The following ATXN2 variants were observed in gnomAD, a reference collection of about 807,000 sequenced individuals.
ATXN2 encodes ataxin-2.
Under a neutral mutation model 138.6 loss-of-function variants are expected in ATXN2, and 37 were observed. The observed-to-expected ratio is 0.27, with a 90% CI of 0.21 to 0.35. ATXN2 has a LOEUF of 0.35. Ranked by LOEUF, ATXN2 falls within the 10% of genes least tolerant of loss-of-function variation. The pLI is 1.00. For missense variants in ATXN2, 1,216 were observed against 1,480.3 expected, an observed-to-expected ratio of 0.82 and a Z score of 2.93; for synonymous variants, 549 against 543.7, an observed-to-expected ratio of 1.01 and a Z score of -0.13.
At chr12:111,470,452 C>T in intron 19 of ATXN2, 106 bp downstream of exon 19, 3 of 1,326,386 alleles carry the variant, frequency 2.3e-6, no homozygotes, top group Non-Finnish European at 3.1e-6. Flanking sequence ...TAGCTATCTA[C>T]CCTACCATCA....
In ATXN2 at chr12:111,552,713, T is replaced by TA. The variant is rs1882187174; in HGVS notation, c.420+192dup. The TA allele has an allele frequency of 3.6e-6, 2 of 554,196 alleles. No homozygotes were observed. The highest frequency in any genetic ancestry group is 6.1e-6 in the Non-Finnish European group (2 of 329,524). 34.3% of individuals were successfully genotyped at this position (554,196 alleles called of 1,614,324 possible). ...CATCCCTCTATTAGCTCACAATGCTTAAAAATGGTTGAAATATTTTAATAA... is the reference window on the plus strand; with the variant it reads ...CATCCCTCTATTAGCTCACAATGCTTAAAAAATGGTTGAAATATTTTAATAA... On this transcript the variant is annotated intron_variant, in intron 4 of 24. Transcript: ENST00000673436. The surrounding 1 kb of genome is among the most constrained non-coding windows in gnomAD (Gnocchi z 4.1).
At chr12:111,561,353 G>A (rs1331879800) in intron 1 of ATXN2, among the ~76,000 whole-genome samples, 1 of 151,710 alleles carries the variant, frequency 6.6e-6, no homozygotes, top group Admixed American at 6.6e-5. Context: ...AATTAGCCAG[G>A]CATGGTGGCA....
intron 17 of ATXN2, 22 bp downstream of exon 17, chr12:111,485,689 TGA>T: frequency 6.2e-7 from 1 of 1,612,652 alleles, no homozygotes; most frequent in South Asian, 1.1e-5. Flanking sequence ...GGAGGCTAAG[TGA>T]ACATCAAATT....
intron 18 of ATXN2, among the ~76,000 whole-genome samples, chr12:111,479,415 A>AAG (rs1223908590): frequency 1.7e-4 from 25 of 145,720 alleles, no homozygotes; most frequent in South Asian, 4.2e-4. Context: ...AAAAAAAAAA[A>AAG]AGAGAGAGAG....
At chr12:111,518,536 TA>T in intron 8 of ATXN2, 109 bp from the exon 9 acceptor site, 1 of 1,179,248 alleles carries the variant, frequency 8.5e-7, no homozygotes, top group Middle Eastern at 2.9e-4. Flanking sequence ...AAAAAGGTTC[TA>T]CACTAAACCA....
At chr12:111,566,438 CA>C (rs1349759771) in intron 1 of ATXN2, among the ~76,000 whole-genome samples, 4 of 97,632 alleles carry the variant, frequency 4.1e-5, no homozygotes, top group Non-Finnish European at 5.6e-5. Context: ...AACTCCATCT[CA>C]AAAAAAAAGA....
At chr12:111,586,842 C>A (rs562073899) in intron 1 of ATXN2, among the ~76,000 whole-genome samples, 2 of 152,068 alleles carry the variant, frequency 1.3e-5, no homozygotes, top group South Asian at 4.1e-4. Flanking sequence ...CTTTCTATCA[C>A]GCTACTGTTA....
Position 111,598,218 on chromosome 12 carries a change from G to A in ATXN2, c.251+566C>T. 5.7e-6 allele frequency: 6 copies of A among 1,049,468 alleles called. No homozygotes were observed. The highest frequency in any genetic ancestry group is 8.2e-5 in the East Asian group (1 of 12,126). The allele number at this position is 1,049,468 out of a possible 1,614,324, so 65.0% of individuals were successfully genotyped here. ...TCCGATCTTTCCCAGGACTCGGAGG[G>A]GGCGGGGAGAGAGCCCCGACAGACC... On this transcript the variant is annotated intron_variant, in intron 1 of 24. Transcript: ENST00000673436. This position sits in a 1 kb window ranked among gnomAD's most constrained non-coding sequence, Gnocchi z 4.5.
At chr12:111,567,944 A>T (rs931917881) in intron 1 of ATXN2, among the ~76,000 whole-genome samples, 1 of 152,048 alleles carries the variant, frequency 6.6e-6, no homozygotes, top group Non-Finnish European at 1.5e-5. Context: ...CTAAGAATAA[A>T]ATTACCTTCC....
intron 1 of ATXN2, among the ~76,000 whole-genome samples, chr12:111,597,355 A>G (rs1170939908): frequency 1.3e-5 from 2 of 152,244 alleles, no homozygotes; most frequent in African/African-American, 2.4e-5. Context: ...TCCACCTTCC[A>G]AAGCCCAAGA....
chr12:111,562,720 CAAAAAA>C (rs34625134), intron 1 of ATXN2, among the ~76,000 whole-genome samples: 2 of 55,992 alleles, frequency 3.6e-5, no homozygotes, highest in Admixed American at 2.1e-4. Flanking sequence ...AACTCCATCT[CAAAAAA>C]AAAAAAAAAA....
rs529248348 is a variant in ATXN2, at chr12:111,594,513, G to A, written c.251+4271C>T. Among the ~76,000 whole-genome samples, 7 of 151,998 alleles carry A rather than the reference G, an allele frequency of 4.6e-5. No individual in the cohort carries two copies. The South Asian group carries it at 1.5e-3, about 32-fold the overall frequency. On this transcript the variant is annotated intron_variant, in intron 1 of 24. Coordinates refer to ENST00000673436, the MANE Select transcript of ATXN2 (RefSeq NM_001372574.1). ...GGCTAAACAGCACAATTTTTAAGTTGCAATGCCTCAAGAGAAAGAAGCAGT... is the reference window on the plus strand; with the variant it reads ...GGCTAAACAGCACAATTTTTAAGTTACAATGCCTCAAGAGAAAGAAGCAGT...
rs549925956 is a variant in ATXN2, at chr12:111,454,195, A to G, written c.3271-350T>C. On this transcript the variant is annotated intron_variant, in intron 23 of 24. Transcript: ENST00000673436. ...ATCCAAGGGCAGCTTTCTCAACTTA[A>G]TATCATACAAGATTCAATGATGCTT... The G allele has an allele frequency of 9.9e-5, 18 of 181,438 alleles. No homozygotes were observed. The East Asian group carries it at 2.1e-3, about 21-fold the overall frequency. The allele number at this position is 181,438 out of a possible 1,614,324, so 11.2% of individuals were successfully genotyped here.
chr12:111,476,046 G>C (rs1316280460), intron 18 of ATXN2, among the ~76,000 whole-genome samples: 5 of 152,092 alleles, frequency 3.3e-5, no homozygotes, highest in Non-Finnish European at 7.4e-5. Flanking sequence ...TAAACTACTG[G>C]GCTCAAGCAA....
At position 111,520,936 on chromosome 12, in the gene ATXN2, T is replaced by C. The variant is rs1173812118; in HGVS notation, c.734A>G (p.Asn245Ser). 6.3e-7 allele frequency: 1 copy of C among 1,598,874 alleles called. No homozygotes were observed. The part of the protein sequence containing the change: ...GWDPNDMFRY[N>S]EENYGVVSTY... ...AGACACTACACCATAATTTTCTTCA[T>C]TATATCGAAACATATCATTGGGATC... Residue 245 changes from asparagine (N) to serine (S), a missense_variant, in exon 7 of 25, where the codon AAT (asparagine) becomes AGT (serine). Transcript: ENST00000673436.
chr12:111,465,186 T>C (rs145210778), intron 20 of ATXN2, among the ~76,000 whole-genome samples: 1 of 152,056 alleles, frequency 6.6e-6, no homozygotes, highest in South Asian at 2.1e-4. Context: ...TATTAAAACA[T>C]GTCTACATAA....
At chr12:111,560,296 G>C (rs1296589738) in intron 1 of ATXN2, among the ~76,000 whole-genome samples, 1 of 152,116 alleles carries the variant, frequency 6.6e-6, no homozygotes, top group Non-Finnish European at 1.5e-5. Flanking sequence ...CACCATATTA[G>C]GTATTATAAG....
chr12:111,536,230 G>A (rs942327336), intron 5 of ATXN2, among the ~76,000 whole-genome samples: 1 of 152,130 alleles, frequency 6.6e-6, no homozygotes, highest in Non-Finnish European at 1.5e-5. Context: ...AGTTGTTTAG[G>A]AGATTATAAC....
chr12:111,571,255 G>A (rs775448716), intron 1 of ATXN2, among the ~76,000 whole-genome samples: 2 of 152,174 alleles, frequency 1.3e-5, no homozygotes, highest in Non-Finnish European at 2.9e-5. Context: ...ATTTGGGAAA[G>A]GGGATTAGGA....
Sources: gnomAD v4.1 joint callset for allele counts (sites outside exome capture counted in the v4.1 genomes callset) on GRCh38, gnomAD v4.1.1 for gene constraint, Gnocchi (gnomAD v3.1) non-coding constraint, MANE v1.5 for transcripts, NCBI Gene and HGNC (gene_info 2026-07-23, HGNC 2026-07-21) for gene names.